TRAPPC9: variants seen among roughly 807,000 people sequenced by gnomAD.
TRAPPC9 encodes the protein IKK2 binding protein.
A neutral mutation model predicts 124.0 loss-of-function variants in TRAPPC9; 83 were observed. The observed-to-expected ratio is 0.67, with a 90% CI of 0.56 to 0.80. TRAPPC9 has a LOEUF of 0.80. TRAPPC9 is among the 30% of genes least tolerant of loss of function. The probability of loss-of-function intolerance (pLI) is 0.00; values close to 1 mark genes in which losing one functional copy is unlikely to be tolerated. For missense variants in TRAPPC9, 1,302 were observed against 1,508.3 expected, an observed-to-expected ratio of 0.86 and a Z score of 2.27; for synonymous variants, 638 against 617.5, an observed-to-expected ratio of 1.03 and a Z score of -0.49.
At chr8:139,833,060 G>T (rs776068397) in intron 21 of TRAPPC9, among the ~76,000 whole-genome samples, 5 of 152,174 alleles carry the variant, frequency 3.3e-5, no homozygotes, top group Non-Finnish European at 7.3e-5. Flanking sequence ...GAATGGGGGT[G>T]GCCTCTGGGA....
intron 10 of TRAPPC9, among the ~76,000 whole-genome samples, chr8:140,308,337 C>T (rs1040787963): frequency 6.7e-6 from 1 of 150,084 alleles, no homozygotes; most frequent in South Asian, 2.2e-4. Context: ...GAGTAGGCTA[C>T]GAGATACTCC....
At chr8:139,793,065 G>A (rs1822810542) in intron 21 of TRAPPC9, among the ~76,000 whole-genome samples, 1 of 152,160 alleles carries the variant, frequency 6.6e-6, no homozygotes, top group African/African-American at 2.4e-5. Context: ...AGGGGTCCAA[G>A]GCGGCCCAGC....
intron 16 of TRAPPC9, among the ~76,000 whole-genome samples, chr8:140,249,253 T>C (rs2064066957): frequency 6.6e-6 from 1 of 152,182 alleles, no homozygotes; most frequent in Non-Finnish European, 1.5e-5. Flanking sequence ...AATGCATACC[T>C]CCCACTTATA....
chr8:140,291,943 G>A (rs1171231189), intron 11 of TRAPPC9, among the ~76,000 whole-genome samples: 2 of 152,178 alleles, frequency 1.3e-5, no homozygotes, highest in East Asian at 3.8e-4. Context: ...CCTTCCCTTA[G>A]TTGAGCCTCC....
chr8:140,169,527 A>T (rs72687244), intron 17 of TRAPPC9, among the ~76,000 whole-genome samples: 26,680 of 152,152 alleles, frequency 0.18, 2,806 homozygotes, highest in Admixed American at 0.25. Context: ...GTGGCCATCG[A>T]CAGATGATTG....
intron 17 of TRAPPC9, among the ~76,000 whole-genome samples, chr8:140,031,166 G>C (rs1840472522): frequency 6.6e-6 from 1 of 152,188 alleles, no homozygotes; most frequent in Non-Finnish European, 1.5e-5. Flanking sequence ...AGAGGCTTCA[G>C]ATGGAGACTT....
chr8:139,815,058 C>A (rs1401491979), intron 21 of TRAPPC9, among the ~76,000 whole-genome samples: 1 of 152,182 alleles, frequency 6.6e-6, no homozygotes, highest in Non-Finnish European at 1.5e-5. Context: ...TCCCCCAGGT[C>A]CTGTTGTGGG....
intron 21 of TRAPPC9, among the ~76,000 whole-genome samples, chr8:139,869,456 C>A (rs1445879750): frequency 1.3e-5 from 2 of 152,216 alleles, no homozygotes; most frequent in Non-Finnish European, 1.5e-5. Context: ...ACACATGTCA[C>A]ATCAATACAA....
chr8:139,889,223 C>A (rs916894424), intron 20 of TRAPPC9, among the ~76,000 whole-genome samples: 1 of 152,182 alleles, frequency 6.6e-6, no homozygotes, highest in Non-Finnish European at 1.5e-5. Context: ...ATGATTCCAC[C>A]GATCTGAGGC....
chr8:139,879,737 G>A (rs2131083340), intron 21 of TRAPPC9, among the ~76,000 whole-genome samples: 1 of 152,242 alleles, frequency 6.6e-6, no homozygotes, highest in East Asian at 1.9e-4. Flanking sequence ...AGAAGACAGA[G>A]AAAGAAACCA....
At chr8:139,794,426 A>C (rs1822907914) in intron 21 of TRAPPC9, among the ~76,000 whole-genome samples, 1 of 152,284 alleles carries the variant, frequency 6.6e-6, no homozygotes, top group East Asian at 1.9e-4. Context: ...TGCCAGAAAA[A>C]GGGGACTCCA....
intron 9 of TRAPPC9, among the ~76,000 whole-genome samples, chr8:140,328,198 T>C (rs2066791072): frequency 6.6e-6 from 1 of 152,028 alleles, no homozygotes; most frequent in Non-Finnish European, 1.5e-5. Context: ...GAGGTTGCAG[T>C]AAGCCGAGAT....
At chr8:139,992,150 A>G (rs901459514) in intron 18 of TRAPPC9, among the ~76,000 whole-genome samples, 14 of 152,260 alleles carry the variant, frequency 9.2e-5, no homozygotes, top group African/African-American at 3.4e-4. Flanking sequence ...ATTACAAGAC[A>G]AACTTTTTGA....
At chr8:140,286,042 G>A (rs1339903416) in intron 13 of TRAPPC9, among the ~76,000 whole-genome samples, 2 of 152,228 alleles carry the variant, frequency 1.3e-5, no homozygotes, top group African/African-American at 4.8e-5. Flanking sequence ...ATTGCACAGA[G>A]TCAGGAAGGA....
intron 16 of TRAPPC9, among the ~76,000 whole-genome samples, chr8:140,226,428 C>T (rs1055989751): frequency 6.6e-6 from 1 of 151,708 alleles, no homozygotes; most frequent in African/African-American, 2.4e-5. Context: ...CCCATCTCTA[C>T]TAAAAATACA....
chr8:140,032,414 CA>C (rs1289498303), intron 17 of TRAPPC9, among the ~76,000 whole-genome samples: 1 of 151,252 alleles, frequency 6.6e-6, no homozygotes, highest in Non-Finnish European at 1.5e-5. Context: ...CCTCCCCCCC[CA>C]CCCTCCTCCA....
At chr8:139,912,454 G>A (rs562486292) in intron 19 of TRAPPC9, among the ~76,000 whole-genome samples, 1 of 152,298 alleles carries the variant, frequency 6.6e-6, no homozygotes, top group African/African-American at 2.4e-5. Flanking sequence ...AAAAAGACCT[G>A]ACAAACATCT....
intron 19 of TRAPPC9, among the ~76,000 whole-genome samples, chr8:139,918,273 A>C (rs1402912605): frequency 1.3e-5 from 2 of 152,242 alleles, no homozygotes; most frequent in Admixed American, 1.3e-4. Flanking sequence ...CTTGCTGCAG[A>C]GGTGGCTTCT....
chr8:140,266,883 T>A (rs2064684462), intron 15 of TRAPPC9, among the ~76,000 whole-genome samples: 2 of 151,656 alleles, frequency 1.3e-5, no homozygotes, highest in Admixed American at 1.3e-4. Flanking sequence ...AAAAACCCAC[T>A]CATCTCTGTG....
Sources: allele counts gnomAD v4.1 joint callset (sites outside exome capture counted in the v4.1 genomes callset), GRCh38; gene constraint gnomAD v4.1.1; transcripts MANE v1.5; gene names NCBI Gene and HGNC (gene_info 2026-07-23, HGNC 2026-07-21).